ATRNL1: variants seen among roughly 807,000 people sequenced by gnomAD.
ATRNL1 encodes attractin-like protein 1.
Under a neutral mutation model 182.7 loss-of-function variants are expected in ATRNL1, and 95 were observed. That is an observed-to-expected ratio of 0.52 (90% CI 0.44 to 0.62). The LOEUF (loss-of-function observed/expected upper bound fraction) is 0.62, where lower values mean the gene tolerates loss of function less well. Among genes scored for constraint, ATRNL1 ranks in the 20% least tolerant of loss-of-function variants. The pLI, the probability that ATRNL1 is intolerant of heterozygous loss-of-function variation, is 0.00. For missense variants in ATRNL1, 1,471 were observed against 1,679.5 expected, an observed-to-expected ratio of 0.88 and a Z score of 2.17; for synonymous variants, 576 against 568.3, an observed-to-expected ratio of 1.01 and a Z score of -0.19.
At chr10:115,704,109 G>C (rs1482858064) in intron 26 of ATRNL1, among the ~76,000 whole-genome samples, 1 of 151,944 alleles carries the variant, frequency 6.6e-6, no homozygotes, top group Non-Finnish European at 1.5e-5. Flanking sequence ...GAGAATATTT[G>C]AGACAACAGA....
At position 115,494,189 on chromosome 10, in the gene ATRNL1, C is replaced by G. The variant is rs1249453924; in HGVS notation, c.3654+24860C>G. ...TGGCATCTTCATCATGATTTTGTAT[C>G]CTGAAACTTTGCTGATGTTGTTTAT... On this transcript the variant is annotated intron_variant, in intron 24 of 28. Coordinates refer to ENST00000355044, the MANE Select transcript of ATRNL1 (RefSeq NM_207303.4). Among the ~76,000 whole-genome samples, 3 of 151,968 alleles carry G rather than the reference C, an allele frequency of 2.0e-5. No homozygotes were observed. The East Asian group carries it at 5.8e-4, about 29-fold the overall frequency.
intron 26 of ATRNL1, among the ~76,000 whole-genome samples, chr10:115,587,567 C>A (rs1299943422): frequency 6.9e-6 from 1 of 144,018 alleles, no homozygotes; most frequent in Non-Finnish European, 1.5e-5. Flanking sequence ...AAAGGGAACT[C>A]CCTGACCCCT....
intron 28 of ATRNL1, among the ~76,000 whole-genome samples, chr10:115,890,178 C>A (rs538834539): frequency 6.4e-4 from 97 of 152,320 alleles, no homozygotes; most frequent in Non-Finnish European, 4.9e-4. Flanking sequence ...CCTTATAAAT[C>A]ATTGTCCTTA....
chr10:115,683,614 C>G (rs1946126243), intron 26 of ATRNL1, among the ~76,000 whole-genome samples: 1 of 146,790 alleles, frequency 6.8e-6, no homozygotes, highest in Admixed American at 7.0e-5. Flanking sequence ...ACAGCAGCCT[C>G]ACTGACTAGA....
At chr10:115,247,142 A>C (rs1329880965) in intron 10 of ATRNL1, among the ~76,000 whole-genome samples, 2 of 152,222 alleles carry the variant, frequency 1.3e-5, no homozygotes, top group Non-Finnish European at 2.9e-5. Flanking sequence ...CAGGCAACAA[A>C]AGCAAAAGTA....
At chr10:115,560,425 T>C (rs1853630704) in intron 26 of ATRNL1, among the ~76,000 whole-genome samples, 1 of 152,162 alleles carries the variant, frequency 6.6e-6, no homozygotes, top group South Asian at 2.1e-4. Context: ...GTGGGAATTA[T>C]GGGAGCTACA....
At chr10:115,672,063 T>G (rs1945713247) in intron 26 of ATRNL1, among the ~76,000 whole-genome samples, 1 of 152,048 alleles carries the variant, frequency 6.6e-6, no homozygotes, top group Non-Finnish European at 1.5e-5. Context: ...TCTAAACAAG[T>G]CAATAATTGA....
chr10:115,458,338 T>C (rs1847626393), intron 21 of ATRNL1, among the ~76,000 whole-genome samples: 1 of 152,158 alleles, frequency 6.6e-6, no homozygotes, highest in South Asian at 2.1e-4. Flanking sequence ...CTAAGCAGCT[T>C]TAAAAGGAAA....
intron 18 of ATRNL1, among the ~76,000 whole-genome samples, chr10:115,317,258 C>A (rs1485893748): frequency 6.6e-6 from 1 of 151,664 alleles, no homozygotes; most frequent in African/African-American, 2.4e-5. Flanking sequence ...GGTCTCTGTT[C>A]TGTTCCATTG....
chr10:115,912,174 CA>C (rs1364813354), intron 28 of ATRNL1, among the ~76,000 whole-genome samples: 1 of 152,032 alleles, frequency 6.6e-6, no homozygotes, highest in African/African-American at 2.4e-5. Flanking sequence ...GGGGGAAATC[CA>C]GGGAAATTTT....
At chr10:115,548,751 A>G (rs1852806850) in intron 25 of ATRNL1, among the ~76,000 whole-genome samples, 1 of 152,190 alleles carries the variant, frequency 6.6e-6, no homozygotes, top group African/African-American at 2.4e-5. Context: ...TTCTTAAAGT[A>G]AACATTAGCA....
intron 18 of ATRNL1, among the ~76,000 whole-genome samples, chr10:115,332,187 G>A (rs1470784236): frequency 1.3e-5 from 2 of 152,196 alleles, no homozygotes; most frequent in Non-Finnish European, 2.9e-5. Context: ...GAATCCCTGA[G>A]TCCTGGAGAC....
intron 28 of ATRNL1, among the ~76,000 whole-genome samples, chr10:115,940,685 C>CTT (rs1953703346): frequency 1.7e-5 from 1 of 59,460 alleles, no homozygotes; most frequent in Non-Finnish European, 3.2e-5. Context: ...CTCTCTCTCT[C>CTT]TCTCTCTCTC....
At chr10:115,238,605 T>C (rs1426419381) in intron 9 of ATRNL1, among the ~76,000 whole-genome samples, 3 of 152,190 alleles carry the variant, frequency 2.0e-5, no homozygotes, top group Non-Finnish European at 4.4e-5. Context: ...TGCTAGCTTA[T>C]TAGTTCTAGA....
At chr10:115,292,153 A>G (rs1417603675) in intron 15 of ATRNL1, among the ~76,000 whole-genome samples, 4 of 151,926 alleles carry the variant, frequency 2.6e-5, no homozygotes, top group African/African-American at 9.7e-5. Context: ...ATAGTTGTTT[A>G]TAGTAGTCTC....
rs138896391 is a variant in ATRNL1 at position 115,941,748 on chromosome 10, C to T, written c.4019-2910C>T. The stretch of plus-strand genomic sequence containing the variant: ...ATGCCAGAAGATCAGTGGAAACTTA[C>T]AGTCAGCTTGAACTTTTAGTTAGCA... On this transcript the variant is annotated intron_variant, in intron 28 of 28. Transcript: ENST00000355044. Among the ~76,000 whole-genome samples, 265 of 152,326 alleles carry T rather than the reference C, an allele frequency of 1.7e-3. 2 individuals carry two copies. The highest frequency in any genetic ancestry group is 3.0e-3 in the Non-Finnish European group (207 of 68,032).
chr10:115,550,048 G>C (rs185607404), intron 26 of ATRNL1, among the ~76,000 whole-genome samples: 2 of 151,604 alleles, frequency 1.3e-5, no homozygotes, highest in Admixed American at 6.6e-5. Flanking sequence ...ATAAATTTCT[G>C]TATTAGAATT....
chr10:115,683,893 G>A (rs1946134243), intron 26 of ATRNL1, among the ~76,000 whole-genome samples: 1 of 151,602 alleles, frequency 6.6e-6, no homozygotes. Context: ...AAGCATATAA[G>A]CAGAGACATA....
At chr10:115,942,593 T>C (rs539264049) in intron 28 of ATRNL1, among the ~76,000 whole-genome samples, 78 of 152,338 alleles carry the variant, frequency 5.1e-4, no homozygotes, top group African/African-American at 1.8e-3. Context: ...CCAGGAAATA[T>C]GTGAAGCTTA....
Sources: allele counts gnomAD v4.1 joint callset (sites outside exome capture counted in the v4.1 genomes callset), GRCh38; gene constraint gnomAD v4.1.1; transcripts MANE v1.5; gene names NCBI Gene and HGNC (gene_info 2026-07-23, HGNC 2026-07-21).